Variants in WWOX observed in about 807,000 individuals in gnomAD.
The protein encoded by WWOX is WW domain containing oxidoreductase.
In WWOX, 69 loss-of-function variants were observed where a neutral mutation model predicts 46.2. The observed-to-expected ratio is 1.49, with a 90% CI of 1.23 to 1.82. The LOEUF is 1.82. WWOX is among the 40% of genes most tolerant of loss of function. The pLI is 0.00. For synonymous variants in WWOX, 359 were observed against 202.6 expected (o/e 1.77, Z -6.56); for missense variants, 919 against 542.6 (o/e 1.69, Z -6.89).
rs191045008 is a variant in WWOX at position 78,647,482 on chromosome 16, C to T, written c.1056+214730C>T. Among the ~76,000 whole-genome samples the T allele has an allele frequency of 3.4e-3, 517 of 152,266 alleles. 3 individuals carry two copies. The highest frequency in any genetic ancestry group is 0.012 in the African/African-American group (502 of 41,548). ...GTTCAGTACACAATGAAATCATTTGCAAAGCACCTTGGGGTCTGTTAGAGA... is the reference window on the plus strand; with the variant it reads ...GTTCAGTACACAATGAAATCATTTGTAAAGCACCTTGGGGTCTGTTAGAGA... On this transcript the variant is annotated intron_variant, in intron 8 of 8. Coordinates refer to ENST00000566780, the MANE Select transcript of WWOX (RefSeq NM_016373.4).
intron 8 of WWOX, among the ~76,000 whole-genome samples, chr16:79,147,154 G>A (rs7191617): frequency 0.047 from 7,197 of 152,228 alleles, 492 homozygotes; most frequent in African/African-American, 0.14. Context: ...GTCATCAAAT[G>A]TGTAGCTTCC....
chr16:78,704,354 C>T (rs191404716), intron 8 of WWOX, among the ~76,000 whole-genome samples: 1 of 152,280 alleles, frequency 6.6e-6, no homozygotes, highest in East Asian at 1.9e-4. Flanking sequence ...CCCTTCCCTT[C>T]TCATTCATCT....
chr16:78,995,231 A>T (rs1241679641), intron 8 of WWOX, among the ~76,000 whole-genome samples: 1 of 152,024 alleles, frequency 6.6e-6, no homozygotes, highest in African/African-American at 2.4e-5. Context: ...TCCAAAGCCC[A>T]TGCCCAATCC....
intron 8 of WWOX, among the ~76,000 whole-genome samples, chr16:78,571,787 G>T (rs1171382354): frequency 6.6e-6 from 1 of 152,120 alleles, no homozygotes; most frequent in Non-Finnish European, 1.5e-5. Flanking sequence ...AGAATCGCTG[G>T]AACCCGGGAG....
chr16:78,319,299 A>T (rs938656004), intron 5 of WWOX, among the ~76,000 whole-genome samples: 1 of 152,046 alleles, frequency 6.6e-6, no homozygotes, highest in Non-Finnish European at 1.5e-5. Flanking sequence ...TTTCTTATTT[A>T]TTTTTGAGAC....
chr16:78,127,347 C>G (rs2033403867), intron 4 of WWOX, among the ~76,000 whole-genome samples: 1 of 151,952 alleles, frequency 6.6e-6, no homozygotes, highest in African/African-American at 2.4e-5. Context: ...TCCTAGCTTC[C>G]TGGTTCCCAG....
chr16:78,864,671 A>G (rs143436031), intron 8 of WWOX, among the ~76,000 whole-genome samples: 260 of 150,122 alleles, frequency 1.7e-3, no homozygotes, highest in South Asian at 3.8e-3. Flanking sequence ...ATTCCCTGTT[A>G]GCACAGGGTC....
At chr16:78,118,438 T>A (rs1394842549) in intron 4 of WWOX, among the ~76,000 whole-genome samples, 1 of 152,198 alleles carries the variant, frequency 6.6e-6, no homozygotes, top group Non-Finnish European at 1.5e-5. Flanking sequence ...TGGATTCAAC[T>A]GTCTGGATTG....
At chr16:79,019,962 T>A (rs1468241656) in intron 8 of WWOX, among the ~76,000 whole-genome samples, 2 of 152,288 alleles carry the variant, frequency 1.3e-5, no homozygotes, top group South Asian at 2.1e-4. Flanking sequence ...ACAGCCGTGA[T>A]CAGTTAGCCT....
At chr16:78,442,319 T>C (rs2083462944) in intron 8 of WWOX, among the ~76,000 whole-genome samples, 1 of 152,102 alleles carries the variant, frequency 6.6e-6, no homozygotes, top group Non-Finnish European at 1.5e-5. Context: ...AAGTATATAA[T>C]ACGTTATTAT....
chr16:78,314,693 T>TTTTGTTTTTG, intron 5 of WWOX, among the ~76,000 whole-genome samples: 2 of 79,110 alleles, frequency 2.5e-5, no homozygotes, highest in African/African-American at 1.6e-4. Flanking sequence ...CAGGGGTTTT[T>TTTTGTTTTTG]TTTTTTTGTT....
chr16:79,056,208 A>T (rs1264253006), intron 8 of WWOX, among the ~76,000 whole-genome samples: 1 of 105,548 alleles, frequency 9.5e-6, no homozygotes, highest in Non-Finnish European at 1.9e-5. Context: ...ATAGGCTGTC[A>T]CTAGACCAAA....
chr16:78,842,238 A>T lies in WWOX; in HGVS notation c.1057-369370A>T, dbSNP rs578090758. ...GTTGGGTGCAGTGGCTCTCTCCTGT[A>T]ATCTCAGCCCTTTTAGAAGCTGAGG... On this transcript the variant is annotated intron_variant, in intron 8 of 8. Transcript: ENST00000566780. Among the ~76,000 whole-genome samples, 8 of 152,092 alleles carry T rather than the reference A, an allele frequency of 5.3e-5. No homozygotes were observed. In the South Asian group the frequency reaches 1.2e-3, roughly 24 times the overall value.
intron 8 of WWOX, among the ~76,000 whole-genome samples, chr16:78,921,546 G>C (rs1248676881): frequency 1.3e-5 from 2 of 152,168 alleles, no homozygotes; most frequent in African/African-American, 4.8e-5. Flanking sequence ...TCATAATAAA[G>C]ATGTCATTGG....
chr16:78,376,013 G>T (rs1268143059), intron 5 of WWOX, among the ~76,000 whole-genome samples: 2 of 152,030 alleles, frequency 1.3e-5, no homozygotes, highest in East Asian at 1.9e-4. Flanking sequence ...ACCATGCCTG[G>T]CTAATTTTTG....
intron 8 of WWOX, among the ~76,000 whole-genome samples, chr16:78,570,187 G>T (rs1050899475): frequency 6.6e-6 from 1 of 152,178 alleles, no homozygotes; most frequent in African/African-American, 2.4e-5. Flanking sequence ...AAACTCAGGG[G>T]AAACTAGTGA....
rs1050877813 is a variant in WWOX at position 78,109,675 on chromosome 16, G to C, written c.173-103G>C. ...GATGTGACAACTGCTGGGTGGGAGG[G>C]ACAGGCTTGGGGGCGGGGCTGGGAG... is the stretch of plus-strand genomic sequence containing the variant. On this transcript the variant is annotated intron_variant, in intron 2 of 8. Transcript: ENST00000566780. 2.7e-5 allele frequency: 30 copies of C among 1,125,144 alleles called. 1 individual carries two copies. The highest frequency in any genetic ancestry group is 3.7e-5 in the Non-Finnish European group (28 of 762,926). 69.7% of individuals were successfully genotyped at this position (1,125,144 alleles called of 1,614,324 possible).
intron 4 of WWOX, chr16:78,123,440 G>GTTTTTTTTTGTTTTTTTTT: frequency 2.0e-5 from 1 of 50,480 alleles, no homozygotes; most frequent in South Asian, 6.1e-4. Flanking sequence ...TTTTTGTTTT[G>GTTTTTTTTTGTTTTTTTTT]TTTTTTTTTT....
Position 78,155,790 on chromosome 16 carries a change from A to G in WWOX, c.410-8393A>G, listed in dbSNP as rs537490880. Among the ~76,000 whole-genome samples, 6 of 152,322 alleles carry G rather than the reference A, an allele frequency of 3.9e-5. No individual in the cohort carries two copies. The South Asian group carries it at 1.0e-3, about 26-fold the overall frequency. ...TGCAGAATAGGCTTAGCACTACTAC[A>G]TTTAGCTAATTAAACTGGCCGTCAG... On this transcript the variant is annotated intron_variant, in intron 4 of 8. Coordinates refer to ENST00000566780, the MANE Select transcript of WWOX (RefSeq NM_016373.4).
Sources: gnomAD v4.1 joint callset for allele counts (sites outside exome capture counted in the v4.1 genomes callset) on GRCh38, gnomAD v4.1.1 for gene constraint, MANE v1.5 for transcripts, NCBI Gene and HGNC (gene_info 2026-07-23, HGNC 2026-07-21) for gene names.